The following BLTP1 variants were observed in gnomAD, a reference collection of about 807,000 sequenced individuals.
BLTP1 encodes bridge-like lipid transfer protein family member 1.
the BLTP1 span, chr4:122,316,926 A>G: frequency 8.6e-6 from 10 of 1,162,482 alleles, no homozygotes; most frequent in Non-Finnish European, 1.2e-5. Flanking sequence ...AGATGTTAAA[A>G]GTGGAAGAAA....
At chr4:122,208,994 A>G in the BLTP1 span, 10 of 617,950 alleles carry the variant, frequency 1.6e-5, no homozygotes, top group Non-Finnish European at 2.0e-5. Context: ...TTAAAAAAAA[A>G]AAAAAAAAAA....
chr4:122,301,056 G>A, the BLTP1 span: 3 of 961,428 alleles, frequency 3.1e-6, no homozygotes, highest in Non-Finnish European at 3.7e-6. Flanking sequence ...ATAAACACAT[G>A]TTTTGGTTCA....
At chr4:122,167,568 C>T in the BLTP1 span, 1 of 661,656 alleles carries the variant, frequency 1.5e-6, no homozygotes, top group African/African-American at 2.0e-5. Flanking sequence ...GCCTCCTGCC[C>T]CTACTGGCCA....
the BLTP1 span, chr4:122,200,282 G>T: frequency 1.0e-6 from 1 of 985,164 alleles, no homozygotes; most frequent in Non-Finnish European, 1.2e-6. Context: ...TCCCTTTGCA[G>T]AAATGCCAAA....
the BLTP1 span, chr4:122,337,123 C>T: frequency 9.6e-7 from 1 of 1,042,176 alleles, no homozygotes; most frequent in African/African-American, 1.6e-5. Context: ...TTCTTAACCT[C>T]AGGTTCATGA....
chr4:122,254,102 A>T, the BLTP1 span: 1 of 1,172,124 alleles, frequency 8.5e-7, no homozygotes, highest in Non-Finnish European at 1.2e-6. Flanking sequence ...ACTTGATTTG[A>T]TGAAAAGGTT....
At chr4:122,219,061 A>G in the BLTP1 span, 19 of 764,670 alleles carry the variant, frequency 2.5e-5, no homozygotes, top group Non-Finnish European at 2.9e-5. Flanking sequence ...CTGAGGACCT[A>G]AATTACAAGG....
At chr4:122,275,928 C>T in the BLTP1 span, 1 of 1,498,890 alleles carries the variant, frequency 6.7e-7, no homozygotes, top group Middle Eastern at 1.8e-4. Flanking sequence ...TGTTTATTTG[C>T]CTCCTTTTTG....
chr4:122,276,491 C>A, the BLTP1 span: 1 of 981,480 alleles, frequency 1.0e-6, no homozygotes, highest in Non-Finnish European at 1.2e-6. Context: ...ATTTTCATGG[C>A]CTTTACTATA....
the BLTP1 span, chr4:122,262,797 AGTG>A: frequency 6.2e-7 from 1 of 1,612,866 alleles, no homozygotes; most frequent in Non-Finnish European, 8.5e-7. Flanking sequence ...GAGCTATACC[AGTG>A]GAGACACTGC....
At chr4:122,285,354 A>G in the BLTP1 span, among the ~76,000 whole-genome samples, 1 of 151,986 alleles carries the variant, frequency 6.6e-6, no homozygotes, top group Non-Finnish European at 1.5e-5. Context: ...TCAATCTTGG[A>G]GTTTTTATTT....
At chr4:122,268,230 A>C in the BLTP1 span, among the ~76,000 whole-genome samples, 1 of 152,192 alleles carries the variant, frequency 6.6e-6, no homozygotes, top group Non-Finnish European at 1.5e-5. Flanking sequence ...GGAATTTAAA[A>C]TGTTAGAAAC....
chr4:122,356,489 G>A, the BLTP1 span: 1 of 921,494 alleles, frequency 1.1e-6, no homozygotes, highest in South Asian at 1.7e-5. Context: ...TCATCATCCT[G>A]TAAATCACAT....
At chr4:122,224,892 G>A in the BLTP1 span, 20 of 1,439,100 alleles carry the variant, frequency 1.4e-5, no homozygotes, top group Admixed American at 2.3e-5. Context: ...TGGGTGTAAT[G>A]TGTGTAGACC....
chr4:122,292,343 C>A, the BLTP1 span: 1 of 900,804 alleles, frequency 1.1e-6, no homozygotes, highest in Non-Finnish European at 1.3e-6. Flanking sequence ...TGTAAAACAA[C>A]TTGAGTATAA....
At chr4:122,346,773 T>G in the BLTP1 span, 1 of 1,606,408 alleles carries the variant, frequency 6.2e-7, no homozygotes, top group Admixed American at 1.7e-5. Context: ...AAGCTTGTTA[T>G]GTAATTTTAA....
chr4:122,239,811 C>T, the BLTP1 span: 1 of 1,614,116 alleles, frequency 6.2e-7, no homozygotes, highest in Non-Finnish European at 8.5e-7. Flanking sequence ...TAATTCATTT[C>T]ATCAGTATCG....
chr4:122,185,849 CAG>C, the BLTP1 span: 73 of 194,622 alleles, frequency 3.8e-4, no homozygotes, highest in South Asian at 2.0e-3. Flanking sequence ...TAAAATATAA[CAG>C]AAACATCAAG....
At chr4:122,216,187 G>C in the BLTP1 span, among the ~76,000 whole-genome samples, 1 of 151,940 alleles carries the variant, frequency 6.6e-6, no homozygotes, top group Admixed American at 6.6e-5. Flanking sequence ...GGGCATTAAG[G>C]TTGGTTCCAT....
Sources: gnomAD v4.1 joint callset for allele counts (sites outside exome capture counted in the v4.1 genomes callset) on GRCh38, gnomAD v4.1.1 for gene constraint, MANE v1.5 for transcripts, NCBI Gene and HGNC (gene_info 2026-07-23, HGNC 2026-07-21) for gene names.